PCSK6: variants seen among roughly 807,000 people sequenced by gnomAD.
PCSK6 encodes proprotein convertase subtilisin/kexin type 6, also known as paired basic amino acid cleaving enzyme 4.
PCSK6 carries 85 observed loss-of-function variants against 123.3 expected under a neutral mutation model. The observed-to-expected ratio is 0.69, with a 90% CI of 0.58 to 0.83. PCSK6 has a LOEUF of 0.83. PCSK6 is among the 40% of genes least tolerant of loss of function. The probability of loss-of-function intolerance (pLI) is 0.00; values close to 1 mark genes in which losing one functional copy is unlikely to be tolerated. For synonymous variants in PCSK6, 508 were observed against 516.0 expected, an observed-to-expected ratio of 0.98 and a Z score of 0.21; for missense variants, 1,191 against 1,282.3, an observed-to-expected ratio of 0.93 and a Z score of 1.09.
chr15:101,400,196 T>C (rs1035765953), intron 6 of PCSK6, among the ~76,000 whole-genome samples: 1 of 152,052 alleles, frequency 6.6e-6, no homozygotes, highest in African/African-American at 2.4e-5. Context: ...GGCTGGTTAT[T>C]TTCTTCTAGT....
intron 13 of PCSK6, among the ~76,000 whole-genome samples, chr15:101,362,514 G>C (rs936054705): frequency 6.6e-6 from 1 of 152,166 alleles, no homozygotes; most frequent in African/African-American, 2.4e-5. Context: ...GGGTATGTGC[G>C]AGAGGATCAG....
intron 1 of PCSK6, among the ~76,000 whole-genome samples, chr15:101,448,089 C>T (rs545928226): frequency 1.3e-5 from 2 of 152,362 alleles, no homozygotes; most frequent in South Asian, 2.1e-4. Context: ...AATTTAAATA[C>T]GTTCTTGTTC....
chr15:101,424,312 A>G lies in PCSK6; in HGVS notation c.823+3580T>C, dbSNP rs114592710. Among the ~76,000 whole-genome samples, 560 of 152,272 alleles carry G rather than the reference A, an allele frequency of 3.7e-3. 5 individuals are homozygous for G. Among genetic ancestry groups the G allele is most frequent in the African/African-American group, 0.013 (530 of 41,558 alleles). On this transcript the variant is annotated intron_variant, in intron 6 of 21. Transcript: ENST00000611716. The stretch of plus-strand genomic sequence containing the variant: ...ACAACAATAAGGATGGCAATTAACA[A>G]TCGACTCATCGTCGGAAACAATGGA...
At chr15:101,379,757 T>C (rs1177723617) in intron 11 of PCSK6, among the ~76,000 whole-genome samples, 1 of 152,168 alleles carries the variant, frequency 6.6e-6, no homozygotes, top group Non-Finnish European at 1.5e-5. Context: ...GGCCACGTGA[T>C]CCTAGCAGCT....
intron 9 of PCSK6, among the ~76,000 whole-genome samples, chr15:101,388,132 G>C (rs1290951027): frequency 2.0e-5 from 3 of 152,136 alleles, no homozygotes; most frequent in South Asian, 2.1e-4. Context: ...CGCAAGGAAG[G>C]GTAAAGTATG....
chr15:101,479,800 C>T (rs1056851690), intron 1 of PCSK6, among the ~76,000 whole-genome samples: 2 of 152,142 alleles, frequency 1.3e-5, no homozygotes, highest in African/African-American at 4.8e-5. Context: ...CAGATCTCCA[C>T]CCAGGGAAGA....
intron 1 of PCSK6, among the ~76,000 whole-genome samples, chr15:101,481,957 G>A (rs541475553): frequency 3.3e-5 from 5 of 152,218 alleles, no homozygotes; most frequent in African/African-American, 1.2e-4. Flanking sequence ...CCGAGACAGA[G>A]CCATGCTGGT....
chr15:101,441,168 TAC>T (rs1035405468), intron 2 of PCSK6, among the ~76,000 whole-genome samples: 2 of 152,150 alleles, frequency 1.3e-5, no homozygotes, highest in Admixed American at 6.5e-5. Flanking sequence ...ATTTAACTGC[TAC>T]GTTAGCCTTT....
intron 6 of PCSK6, among the ~76,000 whole-genome samples, chr15:101,421,417 T>C (rs1187006990): frequency 6.6e-6 from 1 of 152,232 alleles, no homozygotes; most frequent in Non-Finnish European, 1.5e-5. Flanking sequence ...TTCTTTCCCC[T>C]TGAGTGTATT....
At chr15:101,468,100 C>A (rs2057510605) in intron 1 of PCSK6, among the ~76,000 whole-genome samples, 1 of 152,172 alleles carries the variant, frequency 6.6e-6, no homozygotes, top group Non-Finnish European at 1.5e-5. Flanking sequence ...AGTGTGGTGT[C>A]AGCTCTGGCT....
chr15:101,434,333 C>T (rs2056534974), intron 2 of PCSK6, among the ~76,000 whole-genome samples: 1 of 152,214 alleles, frequency 6.6e-6, no homozygotes, highest in South Asian at 2.1e-4. Context: ...CATCCAGCCC[C>T]TTCCAATTGC....
intron 13 of PCSK6, among the ~76,000 whole-genome samples, chr15:101,363,457 A>C (rs2041293730): frequency 6.6e-6 from 1 of 152,220 alleles, no homozygotes; most frequent in Non-Finnish European, 1.5e-5. Flanking sequence ...GTGCCCACGA[A>C]GCAGTGAATG....
In PCSK6 at chr15:101,304,424, T is replaced by A. The variant is rs531896795; in HGVS notation, c.*834A>T. Reference sequence around the variant, plus strand: ...TTAACAATGCATGGCTGGCTTTACATTTTGTTCAGAGGAATTGCTTGGCCA... The same window carrying A: ...TTAACAATGCATGGCTGGCTTTACAATTTGTTCAGAGGAATTGCTTGGCCA... On this transcript the variant is annotated 3_prime_UTR_variant, in exon 22 of 22. Transcript: ENST00000611716. The A allele has an allele frequency of 6.6e-6, 1 of 152,346 alleles. No homozygotes were observed. Among genetic ancestry groups the A allele is most frequent in the African/African-American group, 2.4e-5 (1 of 41,568 alleles). The allele number at this position is 152,346 out of a possible 1,614,324, so 9.4% of individuals were successfully genotyped here. A position where few individuals can be genotyped will look rare whatever the true frequency, so the allele number is the denominator to read the frequency against.
intron 6 of PCSK6, among the ~76,000 whole-genome samples, chr15:101,416,792 T>G (rs960198039): frequency 6.6e-6 from 1 of 152,238 alleles, no homozygotes; most frequent in African/African-American, 2.4e-5. Context: ...CAACTTCCAC[T>G]TGTGTGTTGA....
At chr15:101,483,877 C>CAAGAA (rs1265763579) in intron 1 of PCSK6, among the ~76,000 whole-genome samples, 1 of 152,228 alleles carries the variant, frequency 6.6e-6, no homozygotes, top group African/African-American at 2.4e-5. Flanking sequence ...AAAGTAGGGA[C>CAAGAA]TTCTTAACAT....
At chr15:101,313,648 G>C in intron 19 of PCSK6, 143 bp from the exon 20 acceptor site, 1 of 1,295,338 alleles carries the variant, frequency 7.7e-7, no homozygotes, top group Non-Finnish European at 1.0e-6. Context: ...CCCAGGTTCT[G>C]TGAGCTGGGC....
chr15:101,481,522 G>A (rs1361997767), intron 1 of PCSK6, among the ~76,000 whole-genome samples: 1 of 152,182 alleles, frequency 6.6e-6, no homozygotes. Flanking sequence ...TACAGCCAGG[G>A]CTCGAGGCGG....
chr15:101,393,146 A>T, intron 8 of PCSK6, 66 bp downstream of exon 8: 2 of 1,239,338 alleles, frequency 1.6e-6, no homozygotes, highest in African/African-American at 3.0e-5. Flanking sequence ...AGAAAGGGAG[A>T]AGAAACTCAT....
chr15:101,340,716 G>A (rs1448763524), intron 13 of PCSK6, among the ~76,000 whole-genome samples: 2 of 152,114 alleles, frequency 1.3e-5, no homozygotes, highest in Non-Finnish European at 2.9e-5. Context: ...AGGAAGCTGA[G>A]AATTCAGTTC....
Sources: gnomAD v4.1 joint callset for allele counts (sites outside exome capture counted in the v4.1 genomes callset) on GRCh38, gnomAD v4.1.1 for gene constraint, MANE v1.5 for transcripts, NCBI Gene and HGNC (gene_info 2026-07-23, HGNC 2026-07-21) for gene names.